Variants in HDAC4 observed in about 807,000 individuals in gnomAD.
HDAC4 encodes the protein histone deacetylase 4.
A neutral mutation model predicts 135.1 loss-of-function variants in HDAC4; 16 were observed. The observed-to-expected ratio is 0.12, with a 90% CI of 0.08 to 0.18. The LOEUF is 0.18. Ranked by LOEUF, HDAC4 falls within the 10% of genes least tolerant of loss-of-function variation. The pLI, the probability that HDAC4 is intolerant of heterozygous loss-of-function variation, is 1.00. For missense variants in HDAC4, 1,143 were observed against 1,511.8 expected (o/e 0.76, Z 4.05); for synonymous variants, 685 against 653.4 (o/e 1.05, Z -0.74).
chr2:239,238,608 C>T (rs752669461), intron 2 of HDAC4, among the ~76,000 whole-genome samples: 6 of 152,186 alleles, frequency 3.9e-5, no homozygotes, highest in African/African-American at 1.4e-4. Context: ...TGAGCAGCAG[C>T]GGTGGGGCCA....
At chr2:239,383,511 G>C (rs1695566904) in intron 1 of HDAC4, among the ~76,000 whole-genome samples, 1 of 152,036 alleles carries the variant, frequency 6.6e-6, no homozygotes, top group Admixed American at 6.5e-5. Flanking sequence ...TCCTCAACTG[G>C]CTCCTCTGAG....
chr2:239,090,691 G>T (rs956596068), intron 17 of HDAC4, among the ~76,000 whole-genome samples: 1 of 151,424 alleles, frequency 6.6e-6, no homozygotes, highest in African/African-American at 2.4e-5. Context: ...CTTACGTGAC[G>T]CTCAAAGGAA....
At chr2:239,379,159 G>A (rs1695237629) in intron 1 of HDAC4, among the ~76,000 whole-genome samples, 1 of 152,198 alleles carries the variant, frequency 6.6e-6, no homozygotes, top group Non-Finnish European at 1.5e-5. Context: ...AGCTGGGGGT[G>A]GAGGCCGCCA....
Position 239,231,692 on chromosome 2 carries a change from CTGAGGTAGGCGT to C in HDAC4, c.94+4889_94+4900del, listed in dbSNP as rs2047572896. Among the ~76,000 whole-genome samples, 4 of 48,670 alleles carry C rather than the reference CTGAGGTAGGCGT, an allele frequency of 8.2e-5. No individual in the cohort carries two copies. The South Asian group carries it at 6.6e-3, about 80-fold the overall frequency. 31.9% of individuals were successfully genotyped at this position (48,670 alleles called of 152,430 possible). On this transcript the variant is annotated intron_variant, in intron 3 of 26. Coordinates refer to ENST00000543185, the MANE Select transcript of HDAC4 (RefSeq NM_001378414.1). Reference sequence around the variant, plus strand: ...CTGCTGAGCACCTGCTCCCGGATGCCTGAGGTAGGCGTCCTCCCCAAAGCGCCCCTGTCCTCA... The same window carrying C: ...CTGCTGAGCACCTGCTCCCGGATGCCCCTCCCCAAAGCGCCCCTGTCCTCA...
intron 2 of HDAC4, among the ~76,000 whole-genome samples, chr2:239,237,579 C>CAAA (rs112938737): frequency 0.014 from 1,956 of 136,262 alleles, 29 homozygotes; most frequent in Non-Finnish European, 0.023. Context: ...CAAATGACTG[C>CAAA]AAAAAAAAAA....
At chr2:239,162,380 C>G (rs1245891002) in intron 6 of HDAC4, 1 of 453,634 alleles carries the variant, frequency 2.2e-6, no homozygotes, top group Admixed American at 2.4e-5. Flanking sequence ...AGCTTGGGCC[C>G]CAGGGGCACC....
intron 5 of HDAC4, among the ~76,000 whole-genome samples, chr2:239,166,608 C>T (rs935678275): frequency 1.3e-5 from 2 of 152,240 alleles, no homozygotes; most frequent in Non-Finnish European, 2.9e-5. Flanking sequence ...AGATCACACA[C>T]TTATGGAAAC....
At position 239,241,000 on chromosome 2, in the gene HDAC4, C is replaced by A. The variant is rs964509220; in HGVS notation, c.23-4336G>T. Among the ~76,000 whole-genome samples, 3 of 152,296 alleles carry A rather than the reference C, an allele frequency of 2.0e-5. No homozygotes were observed. The South Asian group carries it at 6.2e-4, about 32-fold the overall frequency. On this transcript the variant is annotated intron_variant, in intron 2 of 26. Coordinates refer to ENST00000543185, the MANE Select transcript of HDAC4 (RefSeq NM_001378414.1). This position sits in a 1 kb window ranked among gnomAD's most constrained non-coding sequence, Gnocchi z 4.5. ...CTCACTTTCACCCGGAGGGCCCAGG[C>A]CCCCCACTTCACACTTGGGGAAATG...
intron 9 of HDAC4, among the ~76,000 whole-genome samples, chr2:239,135,319 G>C (rs2040874863): frequency 6.6e-6 from 1 of 152,148 alleles, no homozygotes; most frequent in South Asian, 2.1e-4. Flanking sequence ...GACAATACTG[G>C]CCATGTATGA....
At position 239,191,317 on chromosome 2, in the gene HDAC4, T is replaced by C. The variant is rs947223871; in HGVS notation, c.95-1240A>G. The stretch of plus-strand genomic sequence containing the variant: ...ATCCCTGAGAGCAGCCCACCCACGT[T>C]CACCCTGACACTCAGCCCGTCTCTG... On this transcript the variant is annotated intron_variant, in intron 3 of 26. Coordinates refer to ENST00000543185, the MANE Select transcript of HDAC4 (RefSeq NM_001378414.1). Among the ~76,000 whole-genome samples, 9 of 152,332 alleles carry C rather than the reference T, an allele frequency of 5.9e-5. No individual in the cohort carries two copies. In the East Asian group the frequency reaches 1.7e-3, roughly 29 times the overall value.
At chr2:239,133,064 G>C (rs979807038) in intron 11 of HDAC4, among the ~76,000 whole-genome samples, 2 of 152,196 alleles carry the variant, frequency 1.3e-5, no homozygotes, top group Non-Finnish European at 2.9e-5. Flanking sequence ...GCAGGGACAC[G>C]AATTCAAGCT....
chr2:239,109,337 G>T (rs2038457001), intron 14 of HDAC4, among the ~76,000 whole-genome samples: 1 of 152,180 alleles, frequency 6.6e-6, no homozygotes, highest in African/African-American at 2.4e-5. Context: ...AGACAGACCT[G>T]CTCTATTGCT....
At chr2:239,208,345 A>G (rs923536209) in intron 3 of HDAC4, among the ~76,000 whole-genome samples, 21 of 142,606 alleles carry the variant, frequency 1.5e-4, no homozygotes, top group Non-Finnish European at 3.2e-4. Flanking sequence ...AAAAAAAAAA[A>G]AAAAAAGAAA....
chr2:239,188,415 G>A (rs1484380399), intron 4 of HDAC4, among the ~76,000 whole-genome samples: 1 of 152,218 alleles, frequency 6.6e-6, no homozygotes, highest in East Asian at 1.9e-4. Flanking sequence ...CAGAAACAGA[G>A]GGATGCACCC....
chr2:239,243,302 G>A (rs1243685700), intron 2 of HDAC4, among the ~76,000 whole-genome samples: 9 of 152,012 alleles, frequency 5.9e-5, no homozygotes, highest in African/African-American at 1.9e-4. Context: ...ACAGGCACCC[G>A]CCACCAAGCC....
rs142334818 is a variant in HDAC4, at chr2:239,352,095, G to A, written c.22+583C>T. Among the ~76,000 whole-genome samples the A allele has an allele frequency of 8.5e-5, 13 of 152,362 alleles. No homozygotes were observed. The East Asian group carries it at 2.3e-3, about 27-fold the overall frequency. On this transcript the variant is annotated intron_variant, in intron 2 of 26. Transcript: ENST00000543185. The surrounding 1 kb of genome is among the most constrained non-coding windows in gnomAD (Gnocchi z 4.4). ...CAGGACAAGCTTGCTTCCCAATCATGTGGGTCCCCCACCTACCAGCTCTGT... is the reference window on the plus strand; with the variant it reads ...CAGGACAAGCTTGCTTCCCAATCATATGGGTCCCCCACCTACCAGCTCTGT...
At chr2:239,391,561 C>T (rs1417071974) in intron 1 of HDAC4, among the ~76,000 whole-genome samples, 2 of 152,202 alleles carry the variant, frequency 1.3e-5, no homozygotes, top group African/African-American at 4.8e-5. Context: ...AAAGCTGAGT[C>T]TCTGCGGGAG....
chr2:239,214,252 G>A (rs74000525), intron 3 of HDAC4, among the ~76,000 whole-genome samples: 9,458 of 152,150 alleles, frequency 0.062, 983 homozygotes, highest in African/African-American at 0.22. Context: ...CCTGGCTCCT[G>A]GTCCCTTCTC....
rs758390510 is a variant in HDAC4 at position 239,352,649 on chromosome 2, T to C, written c.22+29A>G. 4.5e-6 allele frequency: 7 copies of C among 1,551,936 alleles called. No homozygotes were observed. In the South Asian group the frequency reaches 5.9e-5, roughly 13 times the overall value. ...TTTGGGCAAAGAAAGCCCCGCTGTGTGCCCAGAGAAGAAATGACCCGGCCT... is the reference window on the plus strand; with the variant it reads ...TTTGGGCAAAGAAAGCCCCGCTGTGCGCCCAGAGAAGAAATGACCCGGCCT... On this transcript the variant is annotated intron_variant, in intron 2 of 26. Coordinates refer to ENST00000543185, the MANE Select transcript of HDAC4 (RefSeq NM_001378414.1). The surrounding 1 kb of genome is among the most constrained non-coding windows in gnomAD (Gnocchi z 4.4).
Sources: gnomAD v4.1 joint callset for allele counts (sites outside exome capture counted in the v4.1 genomes callset) on GRCh38, gnomAD v4.1.1 for gene constraint, Gnocchi (gnomAD v3.1) non-coding constraint, MANE v1.5 for transcripts, NCBI Gene and HGNC (gene_info 2026-07-23, HGNC 2026-07-21) for gene names.